Variants in UGT1A9 observed in about 807,000 individuals in gnomAD.
The protein encoded by UGT1A9 is UDP glucuronosyltransferase family 1 member A9.
In UGT1A9, 35 loss-of-function variants were observed where a neutral mutation model predicts 45.0. The ratio of observed to expected loss-of-function variants is 0.78; its 90% CI spans 0.59 to 1.03. UGT1A9 has a LOEUF of 1.03. UGT1A9 is among the 50% of genes least tolerant of loss of function. The probability of loss-of-function intolerance (pLI) is 0.00; values close to 1 mark genes in which losing one functional copy is unlikely to be tolerated. For missense variants in UGT1A9, 687 were observed against 666.6 expected, an observed-to-expected ratio of 1.03 and a Z score of -0.34; for synonymous variants, 278 against 250.6, an observed-to-expected ratio of 1.11 and a Z score of -1.03.
intron 1 of UGT1A9, among the ~76,000 whole-genome samples, chr2:233,706,537 CT>C (rs968038091): frequency 9.9e-5 from 15 of 152,128 alleles, no homozygotes; most frequent in Non-Finnish European, 2.1e-4. Flanking sequence ...AGAAACACAG[CT>C]TTTTTTCTAG....
chr2:233,714,839 T>A (rs2076415315), intron 1 of UGT1A9, among the ~76,000 whole-genome samples: 1 of 152,336 alleles, frequency 6.6e-6, no homozygotes, highest in East Asian at 1.9e-4. Flanking sequence ...GGTGAATGTT[T>A]ATAAATATTC....
chr2:233,722,730 C>T (rs1168734354), intron 1 of UGT1A9, among the ~76,000 whole-genome samples: 1 of 151,932 alleles, frequency 6.6e-6, no homozygotes, highest in Non-Finnish European at 1.5e-5. Flanking sequence ...TTAAATTTCT[C>T]CTTTGATGCA....
At chr2:233,686,017 T>C (rs1241753278) in intron 1 of UGT1A9, among the ~76,000 whole-genome samples, 1 of 152,202 alleles carries the variant, frequency 6.6e-6, no homozygotes. Flanking sequence ...TTGATTTTCA[T>C]CATGGTGCCA....
chr2:233,724,290 G>C (rs2077209364), intron 1 of UGT1A9, among the ~76,000 whole-genome samples: 1 of 136,792 alleles, frequency 7.3e-6, no homozygotes, highest in African/African-American at 2.8e-5. Flanking sequence ...GCGGGGGGCT[G>C]ACCCCCCCAC....
intron 1 of UGT1A9, chr2:233,690,407 T>G: frequency 5.9e-5 from 71 of 1,195,338 alleles, no homozygotes; most frequent in Non-Finnish European, 7.1e-5. Context: ...ATTCCCAACA[T>G]GAAATTACCT....
rs909741702 is a variant in UGT1A9, at chr2:233,769,798, T to C, written c.1295+1359T>C. On this transcript the variant is annotated intron_variant, in intron 4 of 4. Coordinates refer to ENST00000354728, the MANE Select transcript of UGT1A9 (RefSeq NM_021027.3). This position sits in a 1 kb window ranked among gnomAD's most constrained non-coding sequence, Gnocchi z 4.4. ...TGAGCCCAGAAGTTGGAGGCTGCTA[T>C]GAGCCGTGATCATGCCACTGCACTC... The C allele has an allele frequency of 8.3e-7, 1 of 1,206,032 alleles. No homozygotes were observed. The highest frequency in any genetic ancestry group is 1.6e-5 in the African/African-American group (1 of 64,426). 74.7% of individuals were successfully genotyped at this position (1,206,032 alleles called of 1,614,324 possible). A position where few individuals can be genotyped will look rare whatever the true frequency, so the allele number is the denominator to read the frequency against.
intron 1 of UGT1A9, chr2:233,713,927 C>G: frequency 6.2e-7 from 1 of 1,611,918 alleles, no homozygotes; most frequent in East Asian, 2.2e-5. Context: ...TATTTACTTA[C>G]AAGTGCTTCC....
chr2:233,693,647 A>G (rs1447180794), intron 1 of UGT1A9: 1 of 1,614,068 alleles, frequency 6.2e-7, no homozygotes, highest in African/African-American at 1.3e-5. Flanking sequence ...CTTCCTTGTT[A>G]ATTTGTTGGA....
In UGT1A9 at chr2:233,740,517, A is replaced by G. The variant is rs139363796; in HGVS notation, c.856-26517A>G. On this transcript the variant is annotated intron_variant, in intron 1 of 4. Transcript: ENST00000354728. ...CTTTCCAGTGTGTGATGTAAGCTGA[A>G]CTAAAATCAGCTGTGTTGAACTCCA... 1.6e-4 allele frequency among the ~76,000 whole-genome samples: 25 copies of G among 152,030 alleles called. No individual in the cohort carries two copies. The East Asian group carries it at 4.2e-3, about 26-fold the overall frequency.
intron 1 of UGT1A9, among the ~76,000 whole-genome samples, chr2:233,727,012 G>T (rs2077577761): frequency 6.6e-6 from 1 of 152,100 alleles, no homozygotes; most frequent in Non-Finnish European, 1.5e-5. Flanking sequence ...TTTATCATTT[G>T]TTGTTTTTGT....
At chr2:233,752,930 C>G (rs1695091959) in intron 1 of UGT1A9, among the ~76,000 whole-genome samples, 1 of 152,236 alleles carries the variant, frequency 6.6e-6, no homozygotes, top group South Asian at 2.1e-4. Context: ...TGGTATGCCA[C>G]TCTTTGCTGA....
At chr2:233,724,529 G>A (rs1336753054) in intron 1 of UGT1A9, among the ~76,000 whole-genome samples, 2 of 116,416 alleles carry the variant, frequency 1.7e-5, no homozygotes, top group African/African-American at 3.6e-5. Context: ...ATGGGGTCTC[G>A]CCGGGCAGAG....
intron 1 of UGT1A9, chr2:233,693,975 G>C: frequency 6.4e-7 from 1 of 1,566,020 alleles, no homozygotes; most frequent in Non-Finnish European, 8.6e-7. Context: ...CTGGAGAAAC[G>C]GTGGGGGGAA....
chr2:233,701,576 T>C (rs955691834), intron 1 of UGT1A9, among the ~76,000 whole-genome samples: 6 of 152,220 alleles, frequency 3.9e-5, no homozygotes, highest in East Asian at 1.9e-4. Context: ...TACTCCAAAA[T>C]TGACCACATA....
chr2:233,738,671 G>A (rs6722076), intron 1 of UGT1A9, among the ~76,000 whole-genome samples: 41,235 of 152,112 alleles, frequency 0.27, 5,866 homozygotes, highest in South Asian at 0.39. Context: ...TGAGAGAGAT[G>A]ATCTGAAATT....
At chr2:233,679,964 A>G (rs370640382) in intron 1 of UGT1A9, among the ~76,000 whole-genome samples, 1 of 152,194 alleles carries the variant, frequency 6.6e-6, no homozygotes, top group East Asian at 1.9e-4. Context: ...TCCTGCTGGC[A>G]TAGCTGCAGC....
chr2:233,716,849 C>T (rs569937997), intron 1 of UGT1A9, among the ~76,000 whole-genome samples: 123 of 152,312 alleles, frequency 8.1e-4, no homozygotes, highest in Admixed American at 3.1e-3. Flanking sequence ...TCAGCTACCA[C>T]ATATGCTGAT....
chr2:233,744,892 C>A (rs28900378), intron 1 of UGT1A9, among the ~76,000 whole-genome samples: 2 of 151,832 alleles, frequency 1.3e-5, no homozygotes, highest in Non-Finnish European at 2.9e-5. Flanking sequence ...ACCCTCCTCT[C>A]CATACCAAAA....
At chr2:233,720,751 G>C (rs2076887751) in intron 1 of UGT1A9, among the ~76,000 whole-genome samples, 1 of 150,928 alleles carries the variant, frequency 6.6e-6, no homozygotes, top group African/African-American at 2.4e-5. Context: ...TGTCGCCCAG[G>C]CTGGAGGGCA....
Sources: gnomAD v4.1 joint callset for allele counts (sites outside exome capture counted in the v4.1 genomes callset) on GRCh38, gnomAD v4.1.1 for gene constraint, Gnocchi (gnomAD v3.1) non-coding constraint, MANE v1.5 for transcripts, NCBI Gene and HGNC (gene_info 2026-07-23, HGNC 2026-07-21) for gene names.